The following ADAMTSL1 variants were observed in gnomAD, a reference collection of about 807,000 sequenced individuals.
ADAMTSL1 encodes ADAMTS-like protein 1.
Under a neutral mutation model 201.8 loss-of-function variants are expected in ADAMTSL1, and 126 were observed. The observed-to-expected ratio is 0.62, with a 90% confidence interval of 0.54 to 0.72. The LOEUF (loss-of-function observed/expected upper bound fraction) is 0.72, where lower values mean the gene tolerates loss of function less well. Ranked by LOEUF, ADAMTSL1 falls within the 30% of genes least tolerant of loss-of-function variation. The pLI is 0.00. For synonymous variants in ADAMTSL1, 1,121 were observed against 903.4 expected (o/e 1.24, Z -4.32); for missense variants, 2,679 against 2,277.8 (o/e 1.18, Z -3.59).
chr9:18,358,359 A>AT (rs1324770857), intron 2 of ADAMTSL1, among the ~76,000 whole-genome samples: 1 of 152,102 alleles, frequency 6.6e-6, no homozygotes, highest in Non-Finnish European at 1.5e-5. Context: ...ACATTTTTGC[A>AT]TTTTTTTATA....
chr9:18,499,883 CT>C (rs34383159), intron 1 of ADAMTSL1, among the ~76,000 whole-genome samples: 5,612 of 152,158 alleles, frequency 0.037, 342 homozygotes, highest in African/African-American at 0.13. Flanking sequence ...TCAGCACCTA[CT>C]TTTTTTTCAT....
At chr9:18,177,677 A>G (rs1828234273) in intron 2 of ADAMTSL1, among the ~76,000 whole-genome samples, 1 of 152,164 alleles carries the variant, frequency 6.6e-6, no homozygotes. Context: ...GAGAAAGAGG[A>G]AAGGACAAAT....
intron 4 of ADAMTSL1, among the ~76,000 whole-genome samples, chr9:18,599,170 C>G (rs1325352015): frequency 6.6e-6 from 1 of 152,202 alleles, no homozygotes. Context: ...AATGTCCGTT[C>G]AGCAGTTTCC....
At chr9:18,745,756 A>G (rs1199765146) in intron 15 of ADAMTSL1, among the ~76,000 whole-genome samples, 1 of 152,202 alleles carries the variant, frequency 6.6e-6, no homozygotes, top group Non-Finnish European at 1.5e-5. Flanking sequence ...ACAGCAATTC[A>G]ATTTTACTAG....
At chr9:17,922,337 C>T (rs1826338649) in intron 1 of ADAMTSL1, among the ~76,000 whole-genome samples, 1 of 152,008 alleles carries the variant, frequency 6.6e-6, no homozygotes, top group South Asian at 2.1e-4. Flanking sequence ...TCTTGTGTTT[C>T]ACAAACTTCA....
At chr9:18,591,204 T>TATA (rs1823893032) in intron 4 of ADAMTSL1, among the ~76,000 whole-genome samples, 1 of 152,194 alleles carries the variant, frequency 6.6e-6, no homozygotes, top group Non-Finnish European at 1.5e-5. Flanking sequence ...GATGTGCTAG[T>TATA]GTTGGGTGCA....
chr9:18,148,360 G>A (rs936962698), intron 1 of ADAMTSL1, among the ~76,000 whole-genome samples: 4 of 149,914 alleles, frequency 2.7e-5, no homozygotes, highest in African/African-American at 9.8e-5. Flanking sequence ...AAACATGGAT[G>A]ATTAACAGGG....
At chr9:18,717,826 T>C (rs748224063) in intron 14 of ADAMTSL1, 13 of 659,902 alleles carry the variant, frequency 2.0e-5, no homozygotes, top group African/African-American at 7.2e-5. Flanking sequence ...CAAACTGATA[T>C]AGTAGCTTTC....
intron 1 of ADAMTSL1, among the ~76,000 whole-genome samples, chr9:18,071,079 A>G (rs1822942296): frequency 6.6e-6 from 1 of 152,190 alleles, no homozygotes; most frequent in African/African-American, 2.4e-5. Context: ...AAGATCAAGA[A>G]TATATGGAGA....
intron 2 of ADAMTSL1, among the ~76,000 whole-genome samples, chr9:18,409,431 C>T (rs1818340355): frequency 6.9e-6 from 1 of 145,932 alleles, no homozygotes; most frequent in African/African-American, 2.5e-5. Flanking sequence ...AGAAAACTGA[C>T]ATCCAAAGAA....
Position 18,533,252 on chromosome 9 carries a change from G to C in ADAMTSL1, c.197G>C (p.Cys66Ser), listed in dbSNP as rs749710247. The C allele has an allele frequency of 6.2e-7, 1 of 1,606,572 alleles. No individual in the cohort carries two copies. The highest frequency in any genetic ancestry group is 2.2e-5 in the East Asian group (1 of 44,538). ...SLRRCLSSKS[C>S]EGRNIRYRTC... The stretch of plus-strand genomic sequence containing the variant: ...TTTTTCTTTTTGCAACTTAGGAGCT[G>C]TGAAGGAAGAAATATCCGATACAGA... Residue 66 changes from cysteine to serine, a missense_variant, in exon 3 of 29, where the codon TGT (cysteine) becomes TCT (serine). Transcript: ENST00000380548.
chr9:18,688,877 G>T (rs564907156), intron 13 of ADAMTSL1, among the ~76,000 whole-genome samples: 1 of 150,146 alleles, frequency 6.7e-6, no homozygotes, highest in South Asian at 2.1e-4. Context: ...TTTTCCGAGG[G>T]TAATAGCAGT....
chr9:18,239,082 G>GCTAA (rs1216829875), intron 2 of ADAMTSL1, among the ~76,000 whole-genome samples: 1 of 152,222 alleles, frequency 6.6e-6, no homozygotes, highest in Non-Finnish European at 1.5e-5. Flanking sequence ...TGCTAAAAAT[G>GCTAA]CTAATGATTA....
chr9:18,321,745 A>G (rs1002153246), intron 2 of ADAMTSL1, among the ~76,000 whole-genome samples: 2 of 151,800 alleles, frequency 1.3e-5, no homozygotes, highest in Non-Finnish European at 2.9e-5. Context: ...GTCAGCCGAG[A>G]TCACACCACA....
intron 1 of ADAMTSL1, 79 bp from the exon 2 acceptor site, chr9:18,504,750 C>T (rs1823028124): frequency 2.5e-6 from 4 of 1,601,600 alleles, no homozygotes; most frequent in Non-Finnish European, 3.4e-6. Flanking sequence ...CACACACGTA[C>T]AGGCCAGTCA....
intron 1 of ADAMTSL1, among the ~76,000 whole-genome samples, chr9:17,994,900 T>A (rs1020565727): frequency 1.3e-5 from 2 of 152,202 alleles, no homozygotes; most frequent in Non-Finnish European, 2.9e-5. Flanking sequence ...AGGAAATAGA[T>A]GAGACCTCGC....
chr9:18,118,668 A>G (rs925283818), intron 1 of ADAMTSL1, among the ~76,000 whole-genome samples: 2 of 152,192 alleles, frequency 1.3e-5, no homozygotes, highest in African/African-American at 4.8e-5. Context: ...TGCAGATGGG[A>G]CAATTTTATC....
chr9:18,167,686 A>T (rs1200576264), intron 2 of ADAMTSL1, among the ~76,000 whole-genome samples: 1 of 151,990 alleles, frequency 6.6e-6, no homozygotes, highest in Non-Finnish European at 1.5e-5. Flanking sequence ...GTAAAATGGA[A>T]TATAACTATT....
intron 1 of ADAMTSL1, among the ~76,000 whole-genome samples, chr9:17,922,283 A>G (rs1343863105): frequency 6.6e-6 from 1 of 152,106 alleles, no homozygotes; most frequent in African/African-American, 2.4e-5. Flanking sequence ...TCTGCTCATG[A>G]CCATAGGATT....
Sources: allele counts gnomAD v4.1 joint callset (sites outside exome capture counted in the v4.1 genomes callset), GRCh38; gene constraint gnomAD v4.1.1; transcripts MANE v1.5; gene names NCBI Gene and HGNC (gene_info 2026-07-23, HGNC 2026-07-21).